SORBS2: variants seen among roughly 807,000 people sequenced by gnomAD.
The protein encoded by SORBS2 is sorbin and SH3 domain-containing protein 2.
SORBS2 carries 46 observed loss-of-function variants against 97.7 expected under a neutral mutation model. The ratio of observed to expected loss-of-function variants is 0.47; its 90% CI spans 0.37 to 0.60. SORBS2 has a LOEUF of 0.60. Ranked by LOEUF, SORBS2 falls within the 20% of genes least tolerant of loss-of-function variation. The pLI is 0.00. For synonymous variants in SORBS2, 476 were observed against 473.4 expected (o/e 1.01, Z -0.07); for missense variants, 1,316 against 1,282.3 (o/e 1.03, Z -0.40).
At chr4:185,767,366 G>A (rs1208682420) in intron 2 of SORBS2, among the ~76,000 whole-genome samples, 1 of 141,548 alleles carries the variant, frequency 7.1e-6, no homozygotes, top group Non-Finnish European at 1.6e-5. Flanking sequence ...CGGGCGTGGT[G>A]GCGGGCGCCT....
At chr4:185,928,268 G>A (rs1313836783) in intron 1 of SORBS2, among the ~76,000 whole-genome samples, 1 of 152,108 alleles carries the variant, frequency 6.6e-6, no homozygotes, top group Non-Finnish European at 1.5e-5. Flanking sequence ...TTTGGGAGTG[G>A]TGGTATGTGC....
chr4:185,649,675 A>G lies in SORBS2; in HGVS notation c.92-19T>C, dbSNP rs570860573. 7 of 1,343,552 alleles carry G rather than the reference A, an allele frequency of 5.2e-6. No homozygotes were observed. In the South Asian group the frequency reaches 1.7e-4, roughly 33 times the overall value. The allele number at this position is 1,343,552 out of a possible 1,614,324, so 83.2% of individuals were successfully genotyped here. On this transcript the variant is annotated intron_variant, in intron 2 of 14. Transcript: ENST00000418609. ...TACAGACCTATCATGACAAAAAACAAAAGCAGACAAAAAACAGAAGCAAAT... is the reference window on the plus strand; with the variant it reads ...TACAGACCTATCATGACAAAAAACAGAAGCAGACAAAAAACAGAAGCAAAT...
chr4:185,763,740 T>A (rs529801445), intron 2 of SORBS2, among the ~76,000 whole-genome samples: 1 of 152,222 alleles, frequency 6.6e-6, no homozygotes, highest in South Asian at 2.1e-4. Flanking sequence ...TTTAAAATTA[T>A]AAAGACTTTT....
intron 12 of SORBS2, among the ~76,000 whole-genome samples, chr4:185,611,541 G>A (rs927833272): frequency 2.6e-5 from 4 of 151,832 alleles, no homozygotes; most frequent in Non-Finnish European, 5.9e-5. Context: ...TTTCTCTTTC[G>A]ATATTTTAAC....
chr4:185,878,733 C>A (rs1019859499), intron 1 of SORBS2, among the ~76,000 whole-genome samples: 5 of 152,210 alleles, frequency 3.3e-5, no homozygotes, highest in Non-Finnish European at 5.9e-5. Flanking sequence ...CACCTCACAT[C>A]TGATTCTATC....
At chr4:185,790,734 C>A (rs1034087745) in intron 1 of SORBS2, among the ~76,000 whole-genome samples, 1 of 152,208 alleles carries the variant, frequency 6.6e-6, no homozygotes, top group African/African-American at 2.4e-5. Flanking sequence ...AAGCATCTCT[C>A]ATCTCACAGA....
intron 1 of SORBS2, among the ~76,000 whole-genome samples, chr4:185,825,606 T>C (rs747603245): frequency 6.6e-6 from 1 of 152,230 alleles, no homozygotes; most frequent in Non-Finnish European, 1.5e-5. Flanking sequence ...TGATCTAGGA[T>C]AAATCATTTT....
intron 2 of SORBS2, among the ~76,000 whole-genome samples, chr4:185,750,253 T>G (rs2098791168): frequency 6.6e-6 from 1 of 152,268 alleles, no homozygotes; most frequent in South Asian, 2.1e-4. Flanking sequence ...AAGTGTTCAC[T>G]GTGTATACCA....
intron 1 of SORBS2, among the ~76,000 whole-genome samples, chr4:185,834,759 A>C (rs72705733): frequency 0.071 from 10,815 of 152,306 alleles, 570 homozygotes; most frequent in Middle Eastern, 0.15. Flanking sequence ...TGATTTGTAC[A>C]TAATAAAAAA....
At chr4:185,595,629 C>G (rs1222990094) in intron 12 of SORBS2, among the ~76,000 whole-genome samples, 2 of 151,924 alleles carry the variant, frequency 1.3e-5, no homozygotes, top group African/African-American at 4.8e-5. Context: ...TAATAACTTT[C>G]CAGTCTTTTT....
intron 4 of SORBS2, among the ~76,000 whole-genome samples, chr4:185,663,919 G>GGA: frequency 7.3e-6 from 1 of 136,758 alleles, no homozygotes; most frequent in Non-Finnish European, 1.5e-5. Flanking sequence ...CAGTGGCGCA[G>GGA]TCTCGGCTCA....
At chr4:185,769,709 C>G (rs1377649339) in intron 2 of SORBS2, among the ~76,000 whole-genome samples, 1 of 152,096 alleles carries the variant, frequency 6.6e-6, no homozygotes, top group African/African-American at 2.4e-5. Context: ...AGGCTAGTCT[C>G]GAACTCCCGA....
intron 1 of SORBS2, among the ~76,000 whole-genome samples, chr4:185,798,713 A>G (rs1428106040): frequency 6.6e-6 from 1 of 152,198 alleles, no homozygotes; most frequent in Non-Finnish European, 1.5e-5. Flanking sequence ...CCATCAGTCC[A>G]TATCTTGAAT....
intron 1 of SORBS2, among the ~76,000 whole-genome samples, chr4:185,926,467 ACACT>A (rs2099263755): frequency 6.6e-6 from 1 of 151,924 alleles, no homozygotes; most frequent in Non-Finnish European, 1.5e-5. Flanking sequence ...GGTGATGGAA[ACACT>A]CATATATAAA....
chr4:185,756,949 C>A, intron 2 of SORBS2: 1 of 1,465,286 alleles, frequency 6.8e-7, no homozygotes, highest in Non-Finnish European at 9.5e-7. Context: ...AGGGAAAAAG[C>A]ATTTTGGTCC....
intron 1 of SORBS2, among the ~76,000 whole-genome samples, chr4:185,805,229 CTA>C (rs3080336): frequency 0.99 from 149,344 of 151,338 alleles, 73,707 homozygotes; most frequent in South Asian, 1. Flanking sequence ...ACCAGGAAGA[CTA>C]TATATATATA....
At chr4:185,847,504 G>A (rs972443245) in intron 1 of SORBS2, among the ~76,000 whole-genome samples, 2 of 151,984 alleles carry the variant, frequency 1.3e-5, no homozygotes, top group African/African-American at 4.8e-5. Context: ...CAGGATCTGG[G>A]GTCCCTGTGA....
upstream of SORBS2, among the ~76,000 whole-genome samples, chr4:185,659,573 C>T (rs577493479): frequency 5.9e-3 from 841 of 143,154 alleles, no homozygotes; most frequent in Non-Finnish European, 0.01. Flanking sequence ...CCCGCCATCA[C>T]GCCCAGCTAA....
chr4:185,905,862 G>A (rs1036402676), intron 1 of SORBS2, among the ~76,000 whole-genome samples: 7 of 152,094 alleles, frequency 4.6e-5, no homozygotes, highest in Non-Finnish European at 8.8e-5. Context: ...AGGTAGTCAG[G>A]GCCCTTCAAA....
Sources: allele counts gnomAD v4.1 joint callset (sites outside exome capture counted in the v4.1 genomes callset), GRCh38; gene constraint gnomAD v4.1.1; transcripts MANE v1.5; gene names NCBI Gene and HGNC (gene_info 2026-07-23, HGNC 2026-07-21).